TTC27: variants seen among roughly 807,000 people sequenced by gnomAD.
TTC27 encodes tetratricopeptide repeat protein 27.
TTC27 carries 79 observed loss-of-function variants against 115.9 expected under a neutral mutation model. That is an observed-to-expected ratio of 0.68 (90% confidence interval 0.57 to 0.82). The LOEUF is 0.82. Among genes scored for constraint, TTC27 ranks in the 40% least tolerant of loss-of-function variants. The pLI, the probability that TTC27 is intolerant of heterozygous loss-of-function variation, is 0.00. For missense variants in TTC27, 1,054 were observed against 993.1 expected (o/e 1.06, Z -0.82); for synonymous variants, 401 against 356.0 (o/e 1.13, Z -1.42).
At chr2:32,725,921 C>T (rs567739140) in intron 10 of TTC27, among the ~76,000 whole-genome samples, 1 of 152,348 alleles carries the variant, frequency 6.6e-6, no homozygotes, top group East Asian at 1.9e-4. Context: ...CTGACAGGCT[C>T]AACACCAACA....
intron 6 of TTC27, among the ~76,000 whole-genome samples, chr2:32,665,963 A>G (rs1462323115): frequency 6.6e-6 from 1 of 152,200 alleles, no homozygotes; most frequent in Non-Finnish European, 1.5e-5. Flanking sequence ...TCAGCATAAC[A>G]TATTTAAAAG....
At chr2:32,648,056 T>G (rs1400471717) in intron 4 of TTC27, among the ~76,000 whole-genome samples, 1 of 152,084 alleles carries the variant, frequency 6.6e-6, no homozygotes, top group Non-Finnish European at 1.5e-5. Context: ...AATGTAAACC[T>G]TTGTCACTGA....
At chr2:32,674,898 G>T (rs1253202613) in intron 8 of TTC27, among the ~76,000 whole-genome samples, 1 of 151,794 alleles carries the variant, frequency 6.6e-6, no homozygotes, top group Non-Finnish European at 1.5e-5. Context: ...TCCTGACCTC[G>T]TAATCCGCCC....
chr2:32,787,145 T>G lies in TTC27; in HGVS notation c.1994T>G (p.Val665Gly). The G allele has an allele frequency of 1.2e-6, 2 of 1,611,304 alleles. No individual in the cohort carries two copies. Among genetic ancestry groups the G allele is most frequent in the South Asian group, 2.2e-5 (2 of 90,090 alleles). ...GACTTACGTGACAAATACAAAGATG[T>G]TCAGGTAGGATATTCCTATTCCGTT... Reference protein sequence around the residue: ...LLDLRDKYKDVQVLKILVRAV... With the variant: ...LLDLRDKYKDGQVLKILVRAV... Residue 665 changes from valine (V) to glycine (G), a missense_variant, in exon 16 of 20, where the codon GTT becomes GGT. Transcript: ENST00000317907.
intron 5 of TTC27, among the ~76,000 whole-genome samples, chr2:32,656,133 GT>G (rs1322261506): frequency 1.3e-5 from 2 of 151,942 alleles, no homozygotes; most frequent in Non-Finnish European, 2.9e-5. Context: ...ATTAGTCCCA[GT>G]TTTATCTTTG....
At chr2:32,658,270 G>A (rs1376821550) in intron 5 of TTC27, among the ~76,000 whole-genome samples, 2 of 152,088 alleles carry the variant, frequency 1.3e-5, no homozygotes, top group Admixed American at 6.5e-5. Flanking sequence ...CTACAGGAGC[G>A]TATTACCATG....
intron 13 of TTC27, chr2:32,766,485 G>C (rs1273629570): frequency 6.6e-6 from 3 of 457,956 alleles, no homozygotes. Flanking sequence ...GGAGGCCTGA[G>C]GAGAGGGAGA....
At chr2:32,773,856 G>A (rs1669908120) in intron 13 of TTC27, among the ~76,000 whole-genome samples, 1 of 152,214 alleles carries the variant, frequency 6.6e-6, no homozygotes, top group African/African-American at 2.4e-5. Context: ...AGAAAGAAGG[G>A]AAGGATGCAA....
intron 2 of TTC27, among the ~76,000 whole-genome samples, chr2:32,632,297 C>G (rs1438590894): frequency 1.3e-5 from 2 of 151,816 alleles, no homozygotes; most frequent in African/African-American, 4.8e-5. Context: ...GCATGAGTCA[C>G]TCCGCCCGGC....
chr2:32,700,956 A>C (rs1361901828), intron 9 of TTC27, among the ~76,000 whole-genome samples: 1 of 152,132 alleles, frequency 6.6e-6, no homozygotes, highest in Admixed American at 6.5e-5. Context: ...ATATGCACCT[A>C]TTATGTTGGT....
chr2:32,742,917 T>C (rs1245805745), intron 12 of TTC27, among the ~76,000 whole-genome samples: 2 of 152,208 alleles, frequency 1.3e-5, no homozygotes, highest in Non-Finnish European at 2.9e-5. Context: ...TTTTTTTTAA[T>C]CCTAAAGCTA....
chr2:32,818,309 G>T (rs1010669748), intron 19 of TTC27, among the ~76,000 whole-genome samples: 3 of 152,162 alleles, frequency 2.0e-5, no homozygotes, highest in Non-Finnish European at 4.4e-5. Flanking sequence ...GCAATGTAAT[G>T]TTTCCTTTTA....
At chr2:32,755,501 C>G (rs1309530095) in intron 12 of TTC27, among the ~76,000 whole-genome samples, 1 of 152,130 alleles carries the variant, frequency 6.6e-6, no homozygotes, top group African/African-American at 2.4e-5. Flanking sequence ...GAGAATCAGG[C>G]AGGGAGGTTG....
intron 16 of TTC27, among the ~76,000 whole-genome samples, chr2:32,789,187 C>T (rs369695540): frequency 1.3e-5 from 2 of 152,006 alleles, no homozygotes; most frequent in Non-Finnish European, 2.9e-5. Context: ...AAGATAATGC[C>T]GATTTTAGTT....
intron 10 of TTC27, among the ~76,000 whole-genome samples, chr2:32,731,767 T>C (rs1343707526): frequency 6.6e-6 from 1 of 152,204 alleles, no homozygotes; most frequent in Non-Finnish European, 1.5e-5. Context: ...TTCTCTGCAC[T>C]GTCTTTAGTG....
intron 10 of TTC27, among the ~76,000 whole-genome samples, chr2:32,715,254 G>A (rs1667716119): frequency 6.6e-6 from 1 of 152,066 alleles, no homozygotes; most frequent in African/African-American, 2.4e-5. Context: ...TTTGCATATG[G>A]GGTAAGAAAG....
At chr2:32,783,580 T>C (rs1408960636) in intron 15 of TTC27, among the ~76,000 whole-genome samples, 4 of 152,214 alleles carry the variant, frequency 2.6e-5, no homozygotes, top group Non-Finnish European at 4.4e-5. Context: ...GGTAATCTCA[T>C]GAAGAAAGAA....
Position 32,628,091 on chromosome 2 carries a change from T to C in TTC27, c.-202T>C. 1 of 557,562 alleles carries C rather than the reference T, an allele frequency of 1.8e-6. No individual in the cohort carries two copies. The highest frequency in any genetic ancestry group is 2.1e-5 in the South Asian group (1 of 47,932). The allele number at this position is 557,562 out of a possible 1,614,324, so 34.5% of individuals were successfully genotyped here. A position where few individuals can be genotyped will look rare whatever the true frequency, so the allele number is the denominator to read the frequency against. On this transcript the variant is annotated 5_prime_UTR_variant, in exon 1 of 20. Transcript: ENST00000317907. Reference sequence around the variant, plus strand: ...GCCAGACCAGAGAGCGTGCGTGTTTTTCCCAGGGTGCCCCGCGCTGCTGTT... The same window carrying C: ...GCCAGACCAGAGAGCGTGCGTGTTTCTCCCAGGGTGCCCCGCGCTGCTGTT...
rs151286201 is a variant in TTC27, at chr2:32,768,601, A to G, written c.1681-9281A>G. Among the ~76,000 whole-genome samples, 821 of 152,366 alleles carry G rather than the reference A, an allele frequency of 5.4e-3. 7 individuals carry two copies. The highest frequency in any genetic ancestry group is 0.019 in the African/African-American group (781 of 41,588). ...AAAGGGCCTTAAATGCCCTGTATCA[A>G]GATTACCTAACCCTGTAGATGTGGG... On this transcript the variant is annotated intron_variant, in intron 13 of 19. Coordinates refer to ENST00000317907, the MANE Select transcript of TTC27 (RefSeq NM_017735.5).
Sources: allele counts gnomAD v4.1 joint callset (sites outside exome capture counted in the v4.1 genomes callset), GRCh38; gene constraint gnomAD v4.1.1; transcripts MANE v1.5; gene names NCBI Gene and HGNC (gene_info 2026-07-23, HGNC 2026-07-21).